Variants in KCNU1 observed in about 807,000 individuals in gnomAD.
KCNU1 encodes the protein potassium channel subfamily U member 1.
Under a neutral mutation model 126.8 loss-of-function variants are expected in KCNU1, and 93 were observed. The observed-to-expected ratio is 0.73, with a 90% CI of 0.62 to 0.87. The LOEUF is 0.87. Ranked by LOEUF, KCNU1 falls within the 40% of genes least tolerant of loss-of-function variation. KCNU1 has a pLI of 0.00. For missense variants in KCNU1, 1,330 were observed against 1,367.1 expected (o/e 0.97, Z 0.43); for synonymous variants, 523 against 494.2 (o/e 1.06, Z -0.77).
chr8:36,801,534 T>C (rs1803306941), intron 2 of KCNU1, among the ~76,000 whole-genome samples: 1 of 152,122 alleles, frequency 6.6e-6, no homozygotes, highest in South Asian at 2.1e-4. Context: ...TCCAGAAATC[T>C]GTCAATATTT....
chr8:36,798,897 T>C (rs1803202118), intron 2 of KCNU1, among the ~76,000 whole-genome samples: 1 of 152,224 alleles, frequency 6.6e-6, no homozygotes, highest in Non-Finnish European at 1.5e-5. Context: ...TCACGGGCCA[T>C]GGTCACTCAT....
At chr8:36,832,368 G>A (rs565873645) in intron 10 of KCNU1, among the ~76,000 whole-genome samples, 18 of 152,194 alleles carry the variant, frequency 1.2e-4, no homozygotes, top group African/African-American at 3.6e-4. Flanking sequence ...CCATTTTCAC[G>A]ATATTGATTC....
rs1432438111 is a variant in KCNU1 at position 36,845,605 on chromosome 8, C to A, written c.1729C>A (p.Gln577Lys). The A allele has an allele frequency of 6.8e-6, 11 of 1,608,374 alleles. No individual in the cohort carries two copies. The highest frequency in any genetic ancestry group is 9.4e-6 in the Non-Finnish European group (11 of 1,175,008). The part of the protein sequence containing the change: ...FCGLILNPPP[Q>K]VRIRKNTLGF... ...TGGTCTGATACTAAATCCACCTCCA[C>A]AAGTGAGGATACGTAAGAACACATT... is the stretch of plus-strand genomic sequence containing the variant. The change falls in exon 17 of 27, where the codon CAA becomes AAA. Residue 577 changes from glutamine to lysine, a missense_variant. Gln to Lys is a moderately conservative substitution (Grantham distance 53). Transcript: ENST00000399881.
In KCNU1 at chr8:36,834,802, C is replaced by T. The variant is rs1432579813; in HGVS notation, c.1229C>T (p.Ala410Val). Residue 410 changes from alanine (A) to valine (V), a missense_variant, in exon 12 of 27, where the codon GCA (alanine) becomes GTA (valine). This residue lies in a region of KCNU1 where 1,054 missense variants were observed against 1,053.9 expected (regional missense o/e 1.00). Coordinates refer to ENST00000399881, the MANE Select transcript of KCNU1 (RefSeq NM_001031836.3). ...LRRVAVESAE[A>V]CLIIANPLCS... The stretch of plus-strand genomic sequence containing the variant: ...GAAGGGTAGGTGGAATCTGCAGAGG[C>T]ATGCCTGATTATAGCCAATCCTTTG... 2 of 1,610,686 alleles carry T rather than the reference C, an allele frequency of 1.2e-6. No homozygotes were observed. The highest frequency in any genetic ancestry group is 1.7e-6 in the Non-Finnish European group (2 of 1,177,594).
intron 18 of KCNU1, among the ~76,000 whole-genome samples, chr8:36,864,116 G>A (rs1432312809): frequency 1.3e-5 from 2 of 152,078 alleles, no homozygotes; most frequent in Admixed American, 6.6e-5. Context: ...TGTAGCAAAT[G>A]CACTTGGGTG....
chr8:36,790,664 A>G (rs28690643), intron 2 of KCNU1, among the ~76,000 whole-genome samples: 11,771 of 152,156 alleles, frequency 0.077, 1,513 homozygotes, highest in African/African-American at 0.27. Context: ...ATATCTGGAT[A>G]AAACAAAGTT....
intron 19 of KCNU1, among the ~76,000 whole-genome samples, chr8:36,873,719 C>G (rs910745635): frequency 1.6e-4 from 25 of 152,166 alleles, no homozygotes; most frequent in African/African-American, 5.8e-4. Context: ...TACAAGTTGG[C>G]AGCTCTCTTA....
intron 23 of KCNU1, 51 bp from the exon 24 acceptor site, chr8:36,922,439 A>C: frequency 6.4e-7 from 1 of 1,565,452 alleles, no homozygotes; most frequent in Non-Finnish European, 8.6e-7. Context: ...GGCACTTCTT[A>C]TATTCTTAAC....
chr8:36,913,871 G>C (rs562407342), intron 22 of KCNU1, among the ~76,000 whole-genome samples: 3 of 152,182 alleles, frequency 2.0e-5, no homozygotes, highest in Admixed American at 2.0e-4. Context: ...AAAGTGCTGG[G>C]ATTACAGGCT....
chr8:36,817,909 C>A (rs113358186), intron 10 of KCNU1, 149 bp downstream of exon 10: 6,459 of 545,468 alleles, frequency 0.012, 71 homozygotes, highest in South Asian at 0.027. Context: ...AATCTTTGAC[C>A]AAGCTAATCT....
chr8:36,888,347 G>A (rs1806798792), intron 19 of KCNU1: 2 of 343,964 alleles, frequency 5.8e-6, no homozygotes, highest in Non-Finnish European at 1.1e-5. Context: ...CCAGTAGACT[G>A]GACAGTGTGA....
At chr8:36,933,070 C>A in intron 26 of KCNU1, 38 bp downstream of exon 26, 4 of 1,236,988 alleles carry the variant, frequency 3.2e-6, no homozygotes, top group South Asian at 1.3e-5. Flanking sequence ...TCCACCCATT[C>A]AAGCATAAGA....
chr8:36,805,367 C>T, intron 4 of KCNU1, 82 bp downstream of exon 4: 1 of 839,242 alleles, frequency 1.2e-6, no homozygotes, highest in African/African-American at 1.7e-5. Flanking sequence ...CTCAGTCCTA[C>T]AATCTGCCCG....
chr8:36,805,317 C>A, intron 4 of KCNU1, 32 bp downstream of exon 4: 21 of 1,266,520 alleles, frequency 1.7e-5, no homozygotes, highest in Non-Finnish European at 2.4e-5. Context: ...GAGTGAATAT[C>A]CAAACACCAC....
intron 20 of KCNU1, among the ~76,000 whole-genome samples, chr8:36,906,693 C>T (rs899671589): frequency 2.6e-5 from 4 of 152,114 alleles, no homozygotes; most frequent in Admixed American, 2.6e-4. Context: ...CAAATGCATA[C>T]ATACACATCT....
intron 19 of KCNU1, among the ~76,000 whole-genome samples, chr8:36,876,161 A>T (rs1806271159): frequency 6.6e-6 from 1 of 152,104 alleles, no homozygotes; most frequent in African/African-American, 2.4e-5. Context: ...AAACTAATCG[A>T]TTTCCATCAT....
chr8:36,836,994 C>T (rs1251971706), intron 14 of KCNU1, 49 bp downstream of exon 14: 2 of 1,581,772 alleles, frequency 1.3e-6, no homozygotes, highest in East Asian at 2.2e-5. Context: ...CTATGTCCTA[C>T]ATATTAAGAT....
intron 11 of KCNU1, 52 bp from the exon 12 acceptor site, chr8:36,834,734 A>T (rs1804682643): frequency 8.6e-7 from 1 of 1,166,642 alleles, no homozygotes; most frequent in Non-Finnish European, 1.3e-6. Context: ...GGAAGACCAG[A>T]GCATTTCCCA....
chr8:36,809,445 A>G (rs1259763625), intron 7 of KCNU1, among the ~76,000 whole-genome samples: 1 of 152,256 alleles, frequency 6.6e-6, no homozygotes, highest in Non-Finnish European at 1.5e-5. Flanking sequence ...AACAGAATGC[A>G]TAACAGGTCT....
Sources: allele counts gnomAD v4.1 joint callset (sites outside exome capture counted in the v4.1 genomes callset), GRCh38; gene constraint gnomAD v4.1.1; regional missense constraint gnomAD v4.1.1; transcripts MANE v1.5; gene names NCBI Gene and HGNC (gene_info 2026-07-23, HGNC 2026-07-21).